KCNQ3: variants seen among roughly 807,000 people sequenced by gnomAD.
The protein encoded by KCNQ3 is potassium voltage-gated channel subfamily KQT member 3.
In KCNQ3, 30 loss-of-function variants were observed where a neutral mutation model predicts 92.5. The ratio of observed to expected loss-of-function variants is 0.32; its 90% CI spans 0.24 to 0.44. The LOEUF is 0.44. Ranked by LOEUF, KCNQ3 falls within the 20% of genes least tolerant of loss-of-function variation. The probability of loss-of-function intolerance (pLI) is 1.00; values close to 1 mark genes in which losing one functional copy is unlikely to be tolerated. For missense variants in KCNQ3, 913 were observed against 1,140.3 expected, an observed-to-expected ratio of 0.80 and a Z score of 2.87; for synonymous variants, 450 against 468.8, an observed-to-expected ratio of 0.96 and a Z score of 0.52.
At chr8:132,309,466 G>A (rs547580390) in intron 1 of KCNQ3, among the ~76,000 whole-genome samples, 64 of 152,292 alleles carry the variant, frequency 4.2e-4, no homozygotes, top group Non-Finnish European at 5.6e-4. Context: ...ACTGTATGGA[G>A]CATTATGCAC....
At chr8:132,264,921 T>A (rs941517521) in intron 1 of KCNQ3, among the ~76,000 whole-genome samples, 2 of 152,184 alleles carry the variant, frequency 1.3e-5, no homozygotes, top group Non-Finnish European at 2.9e-5. Flanking sequence ...ATAAGTTAGT[T>A]GAGAACTATG....
chr8:132,434,077 G>A (rs1462691417), intron 1 of KCNQ3, among the ~76,000 whole-genome samples: 5 of 150,142 alleles, frequency 3.3e-5, no homozygotes, highest in Non-Finnish European at 6.0e-5. Flanking sequence ...GCGTAGTGGC[G>A]GGCGCCTGTA....
intron 1 of KCNQ3, among the ~76,000 whole-genome samples, chr8:132,288,867 T>C (rs1051199924): frequency 6.6e-6 from 1 of 152,188 alleles, no homozygotes; most frequent in Non-Finnish European, 1.5e-5. Flanking sequence ...CATGGCAACA[T>C]GGTCTGAATA....
At chr8:132,198,130 G>T (rs1240585135) in intron 1 of KCNQ3, among the ~76,000 whole-genome samples, 2 of 152,192 alleles carry the variant, frequency 1.3e-5, no homozygotes, top group East Asian at 3.9e-4. Flanking sequence ...TGTCTCTCTT[G>T]CTGGCTTTGA....
At chr8:132,155,315 A>T (rs1415098681) in intron 9 of KCNQ3, among the ~76,000 whole-genome samples, 36 of 152,188 alleles carry the variant, frequency 2.4e-4, no homozygotes, top group Admixed American at 2.2e-3. Context: ...TGAAGAAAGG[A>T]TGGATGGAAG....
At chr8:132,426,164 T>C (rs1489459448) in intron 1 of KCNQ3, among the ~76,000 whole-genome samples, 2 of 152,204 alleles carry the variant, frequency 1.3e-5, no homozygotes, top group Non-Finnish European at 1.5e-5. Flanking sequence ...ATCCCAGTTG[T>C]GGTGTAAGGC....
At chr8:132,457,299 T>C (rs1821964296) in intron 1 of KCNQ3, among the ~76,000 whole-genome samples, 2 of 152,028 alleles carry the variant, frequency 1.3e-5, no homozygotes, top group South Asian at 4.2e-4. Context: ...CCAAAATGTG[T>C]CCATATAGTT....
chr8:132,420,094 G>A (rs932284530), intron 1 of KCNQ3, among the ~76,000 whole-genome samples: 3 of 152,134 alleles, frequency 2.0e-5, no homozygotes, highest in African/African-American at 4.8e-5. Flanking sequence ...CTTCTGGGGT[G>A]CAGACTGACA....
chr8:132,346,026 T>C (rs1400597647), intron 1 of KCNQ3, among the ~76,000 whole-genome samples: 2 of 151,936 alleles, frequency 1.3e-5, no homozygotes, highest in South Asian at 2.1e-4. Context: ...ATGGTGATGA[T>C]GATGAAAAGG....
At chr8:132,189,378 C>T (rs753430268) in intron 1 of KCNQ3, among the ~76,000 whole-genome samples, 2 of 152,196 alleles carry the variant, frequency 1.3e-5, no homozygotes, top group African/African-American at 2.4e-5. Context: ...TTGCGCACAT[C>T]ATGTGCTAAA....
intron 1 of KCNQ3, among the ~76,000 whole-genome samples, chr8:132,199,067 T>C (rs1363335782): frequency 6.6e-6 from 1 of 152,022 alleles, no homozygotes; most frequent in African/African-American, 2.4e-5. Flanking sequence ...CATGAACCAC[T>C]TGCAAAGCAA....
At chr8:132,413,274 AC>A (rs1480707711) in intron 1 of KCNQ3, among the ~76,000 whole-genome samples, 1 of 152,154 alleles carries the variant, frequency 6.6e-6, no homozygotes, top group East Asian at 1.9e-4. Flanking sequence ...TCCTACCTAT[AC>A]ATCCTTCATC....
intron 1 of KCNQ3, among the ~76,000 whole-genome samples, chr8:132,259,096 T>G (rs941023346): frequency 7.9e-5 from 12 of 152,066 alleles, no homozygotes; most frequent in Non-Finnish European, 5.9e-5. Flanking sequence ...GAATCAATAC[T>G]AATACTTCAA....
chr8:132,356,128 C>T (rs1267340303), intron 1 of KCNQ3, among the ~76,000 whole-genome samples: 1 of 152,164 alleles, frequency 6.6e-6, no homozygotes, highest in Non-Finnish European at 1.5e-5. Flanking sequence ...CTGAGACTCT[C>T]AGCACAGAGC....
At chr8:132,447,792 G>C (rs1821722393) in intron 1 of KCNQ3, among the ~76,000 whole-genome samples, 1 of 152,148 alleles carries the variant, frequency 6.6e-6, no homozygotes, top group Admixed American at 6.5e-5. Flanking sequence ...ATGACTTTGG[G>C]CTTGAATATA....
At chr8:132,187,128 G>A (rs1263522584) in intron 1 of KCNQ3, 1 of 455,744 alleles carries the variant, frequency 2.2e-6, no homozygotes, top group African/African-American at 2.0e-5. Context: ...TATGGGTGAA[G>A]CTTGGTAGTA....
At chr8:132,306,882 T>C (rs1467990572) in intron 1 of KCNQ3, among the ~76,000 whole-genome samples, 2 of 152,126 alleles carry the variant, frequency 1.3e-5, no homozygotes, top group Non-Finnish European at 2.9e-5. Context: ...TGAGAGGTGG[T>C]GGAGGAATCC....
chr8:132,290,542 C>T (rs1196674686), intron 1 of KCNQ3, among the ~76,000 whole-genome samples: 1 of 152,026 alleles, frequency 6.6e-6, no homozygotes, highest in African/African-American at 2.4e-5. Context: ...TGCACTAATC[C>T]TGACACAAAA....
At chr8:132,335,432 G>T (rs1375119172) in intron 1 of KCNQ3, among the ~76,000 whole-genome samples, 1 of 152,098 alleles carries the variant, frequency 6.6e-6, no homozygotes, top group East Asian at 1.9e-4. Context: ...TGTCTACTCT[G>T]CAACTCTATC....
Sources: allele counts gnomAD v4.1 joint callset (sites outside exome capture counted in the v4.1 genomes callset), GRCh38; gene constraint gnomAD v4.1.1; transcripts MANE v1.5; gene names NCBI Gene and HGNC (gene_info 2026-07-23, HGNC 2026-07-21).